Variants in PNPLA8 observed in about 807,000 individuals in gnomAD.
PNPLA8 encodes the protein calcium-independent phospholipase A2-gamma.
Under a neutral mutation model 76.9 loss-of-function variants are expected in PNPLA8, and 39 were observed. That is an observed-to-expected ratio of 0.51 (90% CI 0.39 to 0.66). PNPLA8 has a LOEUF of 0.66. Ranked by LOEUF, PNPLA8 falls within the 30% of genes least tolerant of loss-of-function variation. The pLI, the probability that PNPLA8 is intolerant of heterozygous loss-of-function variation, is 0.00. For missense variants in PNPLA8, 887 were observed against 918.0 expected, an observed-to-expected ratio of 0.97 and a Z score of 0.44; for synonymous variants, 301 against 307.9, an observed-to-expected ratio of 0.98 and a Z score of 0.24.
At chr7:108,524,827 A>C (rs1418018202) in intron 1 of PNPLA8, among the ~76,000 whole-genome samples, 1 of 152,174 alleles carries the variant, frequency 6.6e-6, no homozygotes, top group East Asian at 1.9e-4. Context: ...ATGGCAGGAC[A>C]GGAAGGTGTC....
chr7:108,526,453 T>TA (rs1406317380), upstream of PNPLA8: 1 of 153,342 alleles, frequency 6.5e-6, no homozygotes, highest in East Asian at 1.9e-4. Context: ...GGACTTCGTT[T>TA]TGCCTTCCTG....
chr7:108,484,101 C>T (rs1203495889), intron 9 of PNPLA8, among the ~76,000 whole-genome samples: 1 of 152,120 alleles, frequency 6.6e-6, no homozygotes, highest in African/African-American at 2.4e-5. Context: ...CAAATTTTAG[C>T]AAGAAACGAT....
Position 108,470,730 on chromosome 7 carries a change from C to A in PNPLA8, c.*1671G>T, listed in dbSNP as rs1859582658. The A allele has an allele frequency of 6.6e-6, 1 of 152,082 alleles. No individual in the cohort carries two copies. Among genetic ancestry groups the A allele is most frequent in the Admixed American group, 6.5e-5 (1 of 15,268 alleles). The allele number at this position is 152,082 out of a possible 1,614,324, so 9.4% of individuals were successfully genotyped here. On this transcript the variant is annotated 3_prime_UTR_variant, in exon 11 of 11. Coordinates refer to ENST00000257694, the MANE Select transcript of PNPLA8 (RefSeq NM_001256007.3). ...AAAGAACTATATTATCTTTAGAAAT[C>A]ATTGGTAGTTTCCTATTTTATACTA...
intron 4 of PNPLA8, among the ~76,000 whole-genome samples, chr7:108,504,640 A>G (rs1862208741): frequency 6.6e-6 from 1 of 152,242 alleles, no homozygotes; most frequent in Non-Finnish European, 1.5e-5. Flanking sequence ...TTCATATAGA[A>G]ATATAACATG....
upstream of PNPLA8, among the ~76,000 whole-genome samples, chr7:108,526,714 T>C (rs1313891513): frequency 6.6e-6 from 1 of 152,150 alleles, no homozygotes; most frequent in East Asian, 1.9e-4. Context: ...TATTACTGTA[T>C]TGGAAGTTAG....
intron 7 of PNPLA8, among the ~76,000 whole-genome samples, chr7:108,491,716 G>A (rs1330390863): frequency 6.6e-6 from 1 of 152,208 alleles, no homozygotes; most frequent in Non-Finnish European, 1.5e-5. Flanking sequence ...GAACAGAGGG[G>A]CAGTAACTGG....
intron 5 of PNPLA8, among the ~76,000 whole-genome samples, chr7:108,498,161 A>T (rs1170820484): frequency 6.6e-6 from 1 of 151,680 alleles, no homozygotes; most frequent in African/African-American, 2.4e-5. Flanking sequence ...AAACTGGAAA[A>T]CACTTAAAAA....
intron 9 of PNPLA8, among the ~76,000 whole-genome samples, chr7:108,486,447 A>G (rs954511023): frequency 7.2e-5 from 11 of 152,114 alleles, no homozygotes; most frequent in Non-Finnish European, 1.2e-4. Context: ...AGTATCAGAA[A>G]CTCAGCAGCC....
At chr7:108,519,342 G>A (rs780723763) in intron 2 of PNPLA8, among the ~76,000 whole-genome samples, 2 of 152,166 alleles carry the variant, frequency 1.3e-5, no homozygotes, top group Admixed American at 1.3e-4. Flanking sequence ...TGAGGCTGCA[G>A]TGAGCCACAG....
chr7:108,476,079 C>T (rs1859970304), intron 10 of PNPLA8, among the ~76,000 whole-genome samples: 1 of 152,198 alleles, frequency 6.6e-6, no homozygotes, highest in Non-Finnish European at 1.5e-5. Context: ...CACTTACAAT[C>T]ATTTACCATT....
At chr7:108,521,942 T>C (rs1469696419) in intron 1 of PNPLA8, among the ~76,000 whole-genome samples, 1 of 152,114 alleles carries the variant, frequency 6.6e-6, no homozygotes, top group African/African-American at 2.4e-5. Context: ...GAAGGGGGGT[T>C]GGATGTGCCT....
At chr7:108,506,778 C>G (rs1019828748) in intron 4 of PNPLA8, among the ~76,000 whole-genome samples, 34 of 151,586 alleles carry the variant, frequency 2.2e-4, no homozygotes, top group Admixed American at 1.3e-4. Flanking sequence ...AGAGGCACAA[C>G]TAAATTATGC....
intron 1 of PNPLA8, among the ~76,000 whole-genome samples, 189 bp from the exon 2 acceptor site, chr7:108,521,710 GA>G (rs1313330991): frequency 6.6e-6 from 1 of 151,898 alleles, no homozygotes; most frequent in African/African-American, 2.4e-5. Flanking sequence ...GAAAATCTGG[GA>G]AAAAAGCATT....
rs746486692 is a variant in PNPLA8 at position 108,487,845 on chromosome 7, G to A, written c.1792C>T (p.Gln598Ter). 1.2e-6 allele frequency: 2 copies of A among 1,613,370 alleles called. No homozygotes were observed. The highest frequency in any genetic ancestry group is 2.2e-5 in the East Asian group (1 of 44,860). ...GINSHYLGGC[Q>*]YKMWQAIRAS... ...CTAATGGCCTGCCACATTTTATACT[G>A]ACAGCCTCCCAAATAATGAGAGTTG... is the stretch of plus-strand genomic sequence containing the variant. The change falls in exon 9 of 11, where the codon CAG (glutamine) becomes TAG (stop). Residue 598 changes from glutamine (Q) to a stop codon, truncating the protein, a stop_gained. Transcript: ENST00000257694. LOFTEE classifies it high-confidence loss of function.
At chr7:108,478,656 T>G (rs887298381) in intron 10 of PNPLA8, among the ~76,000 whole-genome samples, 26 of 152,168 alleles carry the variant, frequency 1.7e-4, no homozygotes, top group African/African-American at 6.0e-4. Flanking sequence ...CCTCCCAAAG[T>G]GCTGGGATTA....
At chr7:108,490,152 C>T (rs557064318) in intron 8 of PNPLA8, among the ~76,000 whole-genome samples, 31 of 152,146 alleles carry the variant, frequency 2.0e-4, no homozygotes, top group Non-Finnish European at 2.9e-4. Flanking sequence ...CATTGTGTCA[C>T]AATTGCCTAC....
chr7:108,520,678 T>C (rs905713904), intron 2 of PNPLA8, among the ~76,000 whole-genome samples: 1 of 152,146 alleles, frequency 6.6e-6, no homozygotes, highest in Admixed American at 6.6e-5. Flanking sequence ...TGTATGCATG[T>C]ATCAAAATAT....
chr7:108,493,137 G>T (rs1027560942), intron 7 of PNPLA8, among the ~76,000 whole-genome samples: 1 of 152,160 alleles, frequency 6.6e-6, no homozygotes, highest in Non-Finnish European at 1.5e-5. Context: ...TTTTGGAGTG[G>T]CTTGTTCTGC....
At chr7:108,482,407 G>T (rs1390592111) in intron 9 of PNPLA8, among the ~76,000 whole-genome samples, 1 of 152,216 alleles carries the variant, frequency 6.6e-6, no homozygotes, top group Admixed American at 6.5e-5. Flanking sequence ...GGGAGGCAGA[G>T]GTTGCAGTGA....
Sources: allele counts gnomAD v4.1 joint callset (sites outside exome capture counted in the v4.1 genomes callset), GRCh38; gene constraint gnomAD v4.1.1; transcripts MANE v1.5; gene names NCBI Gene and HGNC (gene_info 2026-07-23, HGNC 2026-07-21).